The following FNDC1 variants were observed in gnomAD, a reference collection of about 807,000 sequenced individuals.
The protein encoded by FNDC1 is fibronectin type III domain containing 1, also known as fibronectin type III domain-containing protein 1.
A neutral mutation model predicts 168.0 loss-of-function variants in FNDC1; 96 were observed. The ratio of observed to expected loss-of-function variants is 0.57; its 90% CI spans 0.48 to 0.68. The LOEUF is 0.68. FNDC1 is among the 30% of genes least tolerant of loss of function. The pLI, the probability that FNDC1 is intolerant of heterozygous loss-of-function variation, is 0.00. For synonymous variants in FNDC1, 1,099 were observed against 1,025.9 expected, an observed-to-expected ratio of 1.07 and a Z score of -1.36; for missense variants, 2,587 against 2,482.1, an observed-to-expected ratio of 1.04 and a Z score of -0.90.
chr6:159,187,290 G>A (rs2114932362), intron 1 of FNDC1, among the ~76,000 whole-genome samples: 1 of 152,296 alleles, frequency 6.6e-6, no homozygotes, highest in Admixed American at 6.5e-5. Flanking sequence ...TGCTTCCATT[G>A]CTGTCCTCCA....
chr6:159,221,988 C>T lies in FNDC1; in HGVS notation c.766+292C>T, dbSNP rs375575470. Among the ~76,000 whole-genome samples, 131 of 152,226 alleles carry T rather than the reference C, an allele frequency of 8.6e-4. 1 individual carries two copies. The highest frequency in any genetic ancestry group is 1.6e-3 in the Non-Finnish European group (107 of 68,020). On this transcript the variant is annotated intron_variant, in intron 6 of 22. Coordinates refer to ENST00000297267, the MANE Select transcript of FNDC1 (RefSeq NM_032532.3). ...CATTCCAGTAAAGGTGCAGTGTGAC[C>T]CAAGCCTAAATTGCCCTGGGTGATG...
chr6:159,230,333 G>A (rs951571075), intron 10 of FNDC1, among the ~76,000 whole-genome samples: 1 of 152,082 alleles, frequency 6.6e-6, no homozygotes, highest in African/African-American at 2.4e-5. Flanking sequence ...ATTTTTCATT[G>A]TCAGCTCTCT....
rs781663818 is a variant in FNDC1 at position 159,256,614 on chromosome 6, C to T, written c.5157C>T (p.Asn1719=). Reference sequence around the variant, plus strand: ...CAGTAACTCACTTGCCCATTGAGAACCTAAAGCCCAACACGAGGTACGATG... The same window carrying T: ...CAGTAACTCACTTGCCCATTGAGAATCTAAAGCCCAACACGAGGTACGATG... ...ASSVTHLPIE[N]LKPNTRYYFK... The change falls in exon 18 of 23, where the codon AAC becomes AAT. Residue 1719 remains asparagine (N), a synonymous_variant. Transcript: ENST00000297267. The T allele has an allele frequency of 1.9e-6, 3 of 1,612,576 alleles. No individual in the cohort carries two copies. The Admixed American group carries it at 5.0e-5, about 27-fold the overall frequency.
At chr6:159,216,055 G>A (rs1478284306) in intron 5 of FNDC1, among the ~76,000 whole-genome samples, 3 of 152,046 alleles carry the variant, frequency 2.0e-5, no homozygotes, top group East Asian at 1.9e-4. Flanking sequence ...TCCGCCTCCC[G>A]GGTTCAGGCG....
At chr6:159,251,168 C>T (rs996669809) in intron 16 of FNDC1, 134 bp from the exon 17 acceptor site, 1 of 647,492 alleles carries the variant, frequency 1.5e-6, no homozygotes, top group African/African-American at 1.8e-5. Flanking sequence ...CTGAGCTTGG[C>T]ATCAAGGCTG....
chr6:159,271,571 A>G lies in FNDC1; in HGVS notation c.*129A>G. 1.5e-6 allele frequency: 1 copy of G among 660,208 alleles called. No individual in the cohort carries two copies. The highest frequency in any genetic ancestry group is 2.3e-5 in the Admixed American group (1 of 44,116). 40.9% of individuals were successfully genotyped at this position (660,208 alleles called of 1,614,324 possible). ...TAGGTGCCAGGAAGGTCATAGATGG[A>G]CACTGGCCATTCTGGTCATCTCAGT... On this transcript the variant is annotated 3_prime_UTR_variant, in exon 23 of 23. Coordinates refer to ENST00000297267, the MANE Select transcript of FNDC1 (RefSeq NM_032532.3).
chr6:159,176,533 T>A (rs60336127), intron 1 of FNDC1, among the ~76,000 whole-genome samples: 206 of 152,250 alleles, frequency 1.4e-3, no homozygotes, highest in African/African-American at 4.9e-3. Context: ...AGGAAGGACA[T>A]CTCTGGTCGA....
Position 159,271,346 on chromosome 6 carries a change from T to C in FNDC1, c.5589T>C (p.Arg1863=). 6.2e-7 allele frequency: 1 copy of C among 1,610,692 alleles called. No individual in the cohort carries two copies. ...TTCCAGGCTACTATCGCCAGTATCG[T>C]CAGGAGCCTGTCAGGTTTGGGAACA... ...PTIQGYYRQY[R]QEPVRFGNIG... is the part of the protein sequence containing the mutation. Residue 1863 remains arginine, a synonymous_variant, in exon 23 of 23, where the codon CGT becomes CGC. Transcript: ENST00000297267.
In FNDC1 at chr6:159,271,370, C is replaced by T; in HGVS notation, c.5613C>T (p.Asn1871=). ...GTCAGGAGCCTGTCAGGTTTGGGAA[C>T]ATCGGCTTCGGAACCCCCTACTACT... ...QYRQEPVRFG[N]IGFGTPYYYV... Residue 1871 remains asparagine, a synonymous_variant, in exon 23 of 23, where the codon AAC becomes AAT. Coordinates refer to ENST00000297267, the MANE Select transcript of FNDC1 (RefSeq NM_032532.3). 1.2e-6 allele frequency: 2 copies of T among 1,612,534 alleles called. No homozygotes were observed. Among genetic ancestry groups the T allele is most frequent in the African/African-American group, 2.7e-5 (2 of 75,032 alleles).
Position 159,232,101 on chromosome 6 carries a change from C to A in FNDC1, c.1589C>A (p.Ala530Glu). The A allele has an allele frequency of 6.2e-7, 1 of 1,613,876 alleles. No individual in the cohort carries two copies. The highest frequency in any genetic ancestry group is 8.5e-7 in the Non-Finnish European group (1 of 1,179,824). Residue 530 changes from alanine (A) to glutamate (E), a missense_variant, in exon 11 of 23, where the codon GCA becomes GAA. Coordinates refer to ENST00000297267, the MANE Select transcript of FNDC1 (RefSeq NM_032532.3). This position sits in a 1 kb window ranked among gnomAD's most constrained non-coding sequence, Gnocchi z 4.9. ...PRKPQLRAKKAEELDLQSTEI... is the reference protein window; with the variant it reads ...PRKPQLRAKKEEELDLQSTEI... ...AAACCCCAGCTTCGCGCCAAGAAGG[C>A]AGAGGAGCTGGATCTTCAGTCGACA...
chr6:159,233,562 C>T lies in FNDC1; in HGVS notation c.3050C>T (p.Pro1017Leu), dbSNP rs750305325. Residue 1017 changes from proline to leucine, a missense_variant, in exon 11 of 23, where the codon CCG becomes CTG. Coordinates refer to ENST00000297267, the MANE Select transcript of FNDC1 (RefSeq NM_032532.3). The surrounding 1 kb of genome is among the most constrained non-coding windows in gnomAD (Gnocchi z 4.6). The part of the protein sequence containing the change: ...PPPVATSQHH[P>L]GPQSRDAGRS... ...CCCGTCGCCACGTCCCAGCACCACC[C>T]GGGACCCCAGAGCAGAGACGCGGGT... 1.9e-6 allele frequency: 3 copies of T among 1,592,390 alleles called. No individual in the cohort carries two copies. Among genetic ancestry groups the T allele is most frequent in the East Asian group, 2.3e-5 (1 of 43,952 alleles).
At position 159,223,232 on chromosome 6, in the gene FNDC1, G is replaced by A. The variant is rs191183312; in HGVS notation, c.767-296G>A. Among the ~76,000 whole-genome samples the A allele has an allele frequency of 1.8e-3, 277 of 152,112 alleles. No homozygotes were observed. In the Middle Eastern group the frequency reaches 0.024, roughly 13 times the overall value. ...AGGATGGTCTTGATCTCCTGACCTC[G>A]TGATCTGCCCGCCTCGGCCTCCCAA... is the stretch of plus-strand genomic sequence containing the variant. On this transcript the variant is annotated intron_variant, in intron 6 of 22. Coordinates refer to ENST00000297267, the MANE Select transcript of FNDC1 (RefSeq NM_032532.3).
In FNDC1 at chr6:159,236,232, A is replaced by G. The variant is rs752741680; in HGVS notation, c.3985A>G (p.Asn1329Asp). ...CTGTGTAGGTTATAATGGCAGACCA[A>G]ATGTAGAAGGGAAAGTCCTTCCTGG... ...SYRQGYNGRP[N>D]VEGKVLPGSN... The change falls in exon 12 of 23, where the codon AAT (asparagine) becomes GAT (aspartate). Residue 1329 changes from asparagine to aspartate, a missense_variant. Asn to Asp is a conservative substitution (Grantham distance 23). Transcript: ENST00000297267. The G allele has an allele frequency of 6.8e-6, 11 of 1,613,388 alleles. No individual in the cohort carries two copies. The African/African-American group carries it at 1.5e-4, about 22-fold the overall frequency.
chr6:159,236,225 C>T lies in FNDC1; in HGVS notation c.3978C>T (p.Gly1326=), dbSNP rs1394780682. The T allele has an allele frequency of 6.2e-7, 1 of 1,612,540 alleles. No individual in the cohort carries two copies. The highest frequency in any genetic ancestry group is 8.5e-7 in the Non-Finnish European group (1 of 1,178,808). The change falls in exon 12 of 23, where the codon GGC becomes GGT. Residue 1326 remains glycine, a synonymous_variant. Coordinates refer to ENST00000297267, the MANE Select transcript of FNDC1 (RefSeq NM_032532.3). ...ARPSYRQGYN[G]RPNVEGKVLP... is the part of the protein sequence containing the mutation. ...TTTGGTACTGTGTAGGTTATAATGGCAGACCAAATGTAGAAGGGAAAGTCC... is the reference window on the plus strand; with the variant it reads ...TTTGGTACTGTGTAGGTTATAATGGTAGACCAAATGTAGAAGGGAAAGTCC...
intron 21 of FNDC1, among the ~76,000 whole-genome samples, chr6:159,266,784 C>A (rs949484350): frequency 6.6e-6 from 1 of 150,522 alleles, no homozygotes; most frequent in Non-Finnish European, 1.5e-5. Context: ...ACAGCCACAA[C>A]TTTACAGAGA....
rs1777745442 is a variant in FNDC1 at position 159,271,401 on chromosome 6, G to T, written c.5644G>T (p.Gly1882Cys). 1.2e-6 allele frequency: 2 copies of T among 1,612,404 alleles called. No individual in the cohort carries two copies. Among genetic ancestry groups the T allele is most frequent in the East Asian group, 4.5e-5 (2 of 44,816 alleles). Residue 1882 changes from glycine (G) to cysteine (C), a missense_variant, in exon 23 of 23, where the codon GGC becomes TGC. Gly to Cys is a radical substitution (Grantham distance 159, BLOSUM62 -3). Coordinates refer to ENST00000297267, the MANE Select transcript of FNDC1 (RefSeq NM_032532.3). Reference protein sequence around the residue: ...IGFGTPYYYVGWYECGVSIPG... With the variant: ...IGFGTPYYYVCWYECGVSIPG... ...CTTCGGAACCCCCTACTACTATGTG[G>T]GCTGGTACGAGTGTGGGGTCTCCAT... is the stretch of plus-strand genomic sequence containing the variant.
intron 1 of FNDC1, among the ~76,000 whole-genome samples, chr6:159,194,615 C>T (rs1782205767): frequency 6.6e-6 from 1 of 152,308 alleles, no homozygotes; most frequent in African/African-American, 2.4e-5. Context: ...TTCCTTATAG[C>T]TTTATTTCAC....
intron 5 of FNDC1, among the ~76,000 whole-genome samples, chr6:159,215,539 T>C (rs1032887246): frequency 1.3e-5 from 2 of 152,218 alleles, no homozygotes; most frequent in African/African-American, 4.8e-5. Context: ...AGATGAGACA[T>C]GGTAGCCGAG....
chr6:159,247,825 A>G lies in FNDC1; in HGVS notation c.4690+856A>G, dbSNP rs552148152. ...GAGAGTCATTCAATAAGTGGTAACT[A>G]GTGGTATTATTACACTTAGGACCTT... is the stretch of plus-strand genomic sequence containing the variant. On this transcript the variant is annotated intron_variant, in intron 15 of 22. Transcript: ENST00000297267. 3.3e-5 allele frequency among the ~76,000 whole-genome samples: 5 copies of G among 152,330 alleles called. No homozygotes were observed. The South Asian group carries it at 1.0e-3, about 32-fold the overall frequency.
Sources: allele counts gnomAD v4.1 joint callset (sites outside exome capture counted in the v4.1 genomes callset), GRCh38; gene constraint gnomAD v4.1.1; non-coding constraint Gnocchi (gnomAD v3.1); transcripts MANE v1.5; gene names NCBI Gene and HGNC (gene_info 2026-07-23, HGNC 2026-07-21).